Variants in HPCAL1 observed in about 807,000 individuals in gnomAD.
The protein encoded by HPCAL1 is hippocalcin-like protein 1.
HPCAL1 carries 8 observed loss-of-function variants against 17.1 expected under a neutral mutation model. That is an observed-to-expected ratio of 0.47 (90% CI 0.27 to 0.84). The LOEUF is 0.84. Among genes scored for constraint, HPCAL1 ranks in the 40% least tolerant of loss-of-function variants. HPCAL1 has a pLI of 0.13. For synonymous variants in HPCAL1, 112 were observed against 111.4 expected (o/e 1.01, Z -0.03); for missense variants, 165 against 271.1 (o/e 0.61, Z 2.75).
At chr2:10,397,083 C>A (rs1049145483) in intron 2 of HPCAL1, among the ~76,000 whole-genome samples, 163 bp downstream of exon 2, 1 of 152,162 alleles carries the variant, frequency 6.6e-6, no homozygotes, top group African/African-American at 2.4e-5. Context: ...CCAGCTAGCA[C>A]CCCTAGACAG....
intron 2 of HPCAL1, among the ~76,000 whole-genome samples, chr2:10,397,651 C>T (rs1178015660): frequency 3.9e-5 from 6 of 152,188 alleles, no homozygotes; most frequent in Non-Finnish European, 7.4e-5. Context: ...TTTTTCCATC[C>T]GGAATCCTTC....
intron 1 of HPCAL1, among the ~76,000 whole-genome samples, chr2:10,306,893 C>G (rs187290570): frequency 6.6e-6 from 1 of 152,308 alleles, no homozygotes; most frequent in East Asian, 1.9e-4. Flanking sequence ...TCCCAGAGAC[C>G]TCCACTCTCT....
chr2:10,325,652 A>G (rs1663963531), intron 1 of HPCAL1, among the ~76,000 whole-genome samples: 2 of 152,174 alleles, frequency 1.3e-5, no homozygotes. Context: ...CTGCCTTGAT[A>G]TTTATTTCAG....
intron 2 of HPCAL1, among the ~76,000 whole-genome samples, chr2:10,412,801 T>C (rs11694643): frequency 0.27 from 41,100 of 152,054 alleles, 5,946 homozygotes; most frequent in Middle Eastern, 0.36. Flanking sequence ...TGTTTCTCCT[T>C]CCTGGCCCCC....
In HPCAL1 at chr2:10,344,605, C is replaced by T. The variant is rs922222710; in HGVS notation, c.-111+41428C>T. Among the ~76,000 whole-genome samples, 5 of 152,222 alleles carry T rather than the reference C, an allele frequency of 3.3e-5. No individual in the cohort carries two copies. The highest frequency in any genetic ancestry group is 2.0e-4 in the Admixed American group (3 of 15,288). ...CAGCCACTATTATACCATCTGGCAG[C>T]TCAGAAATATTTTATAATCAAATGA... On this transcript the variant is annotated intron_variant, in intron 1 of 4. Coordinates refer to ENST00000307845, the MANE Select transcript of HPCAL1 (RefSeq NM_002149.4). The surrounding 1 kb of genome is among the most constrained non-coding windows in gnomAD (Gnocchi z 4.9).
intron 1 of HPCAL1, among the ~76,000 whole-genome samples, chr2:10,336,490 C>A (rs1370204117): frequency 6.6e-6 from 1 of 152,134 alleles, no homozygotes; most frequent in Non-Finnish European, 1.5e-5. Context: ...GTTGTTTGCA[C>A]TTTTGCATTA....
At chr2:10,412,477 A>G (rs1670415172) in intron 2 of HPCAL1, among the ~76,000 whole-genome samples, 1 of 152,208 alleles carries the variant, frequency 6.6e-6, no homozygotes, top group Middle Eastern at 3.2e-3. Flanking sequence ...CCAGCAAGAA[A>G]GGGCAGGAAA....
chr2:10,333,290 T>A (rs948508592), intron 1 of HPCAL1, among the ~76,000 whole-genome samples: 1 of 152,226 alleles, frequency 6.6e-6, no homozygotes, highest in Non-Finnish European at 1.5e-5. Context: ...TGGATGTTTG[T>A]GTCTGTCTTG....
At position 10,419,358 on chromosome 2, in the gene HPCAL1, T is replaced by C. The variant is rs1572864374; in HGVS notation, c.-24-376T>C. Among the ~76,000 whole-genome samples, 1 of 152,084 alleles carries C rather than the reference T, an allele frequency of 6.6e-6. No individual in the cohort carries two copies. The highest frequency in any genetic ancestry group is 1.9e-4 in the East Asian group (1 of 5,186). ...CAAAGAGTCTGGGATGTGGCTGAGG[T>C]GGCCACTTTGCCAGGAGCTGATGAG... On this transcript the variant is annotated intron_variant, in intron 2 of 4. Transcript: ENST00000307845. The surrounding 1 kb of genome is among the most constrained non-coding windows in gnomAD (Gnocchi z 5.0).
chr2:10,347,356 T>C (rs1665537645), intron 1 of HPCAL1, among the ~76,000 whole-genome samples: 1 of 152,184 alleles, frequency 6.6e-6, no homozygotes, highest in South Asian at 2.1e-4. Context: ...GCCCATGTGC[T>C]GGGACTGACT....
rs1668872248 is a variant in HPCAL1, at chr2:10,394,248, C to T, written c.-110-2587C>T. Among the ~76,000 whole-genome samples the T allele has an allele frequency of 6.6e-6, 1 of 152,112 alleles. No individual in the cohort carries two copies. Among genetic ancestry groups the T allele is most frequent in the African/African-American group, 2.4e-5 (1 of 41,400 alleles). ...GCCGAGTGTCACCTGAGCTGGTGTCCCGGAGTCTCTTTCCTTCTCCATAAA... is the reference window on the plus strand; with the variant it reads ...GCCGAGTGTCACCTGAGCTGGTGTCTCGGAGTCTCTTTCCTTCTCCATAAA... On this transcript the variant is annotated intron_variant, in intron 1 of 4. Coordinates refer to ENST00000307845, the MANE Select transcript of HPCAL1 (RefSeq NM_002149.4). This position sits in a 1 kb window ranked among gnomAD's most constrained non-coding sequence, Gnocchi z 5.0.
chr2:10,402,986 A>G (rs942930978), intron 2 of HPCAL1, among the ~76,000 whole-genome samples: 1 of 152,232 alleles, frequency 6.6e-6, no homozygotes, highest in Non-Finnish European at 1.5e-5. Flanking sequence ...AATGTGGCCA[A>G]ACCCCATTCA....
rs898128051 is a variant in HPCAL1, at chr2:10,302,980, G to C, written c.-308G>C. 6.6e-6 allele frequency: 1 copy of C among 151,912 alleles called. No individual in the cohort carries two copies. The highest frequency in any genetic ancestry group is 2.4e-5 in the African/African-American group (1 of 41,398). The allele number at this position is 151,912 out of a possible 1,614,324, so 9.4% of individuals were successfully genotyped here. A position where few individuals can be genotyped will look rare whatever the true frequency, so the allele number is the denominator to read the frequency against. On this transcript the variant is annotated 5_prime_UTR_variant, in exon 1 of 5. Transcript: ENST00000307845. ...CCACCTTGCTCCCTCCCTGGCTGCC[G>C]GCTTCCTTTTGTCTTTCTGGGCGGC... is the stretch of plus-strand genomic sequence containing the variant.
At chr2:10,319,826 A>C (rs986248480) in intron 1 of HPCAL1, among the ~76,000 whole-genome samples, 25 of 151,984 alleles carry the variant, frequency 1.6e-4, no homozygotes, top group African/African-American at 5.8e-4. Flanking sequence ...GAAGGTCTGA[A>C]ATCCTCAGGG....
chr2:10,348,122 A>G (rs1665583307), intron 1 of HPCAL1, among the ~76,000 whole-genome samples: 1 of 152,194 alleles, frequency 6.6e-6, no homozygotes, highest in African/African-American at 2.4e-5. Context: ...TATTTTGTAC[A>G]CATCAGAGCA....
At chr2:10,358,174 A>C (rs1227143991) in intron 1 of HPCAL1, among the ~76,000 whole-genome samples, 2 of 152,240 alleles carry the variant, frequency 1.3e-5, no homozygotes, top group Admixed American at 6.5e-5. Context: ...CCACTTTAAT[A>C]AACAGGATAG....
chr2:10,366,925 G>T (rs559518706), intron 1 of HPCAL1, among the ~76,000 whole-genome samples: 2 of 152,296 alleles, frequency 1.3e-5, no homozygotes, highest in African/African-American at 4.8e-5. Context: ...GTTTGAGGAG[G>T]CTGTGTAGGC....
intron 1 of HPCAL1, among the ~76,000 whole-genome samples, chr2:10,381,775 G>A (rs1667955406): frequency 6.6e-6 from 1 of 152,234 alleles, no homozygotes; most frequent in Admixed American, 6.5e-5. Flanking sequence ...CACCAAATGC[G>A]AGGGAGGATG....
At chr2:10,425,887 C>G (rs73170044) in intron 4 of HPCAL1, 1 of 152,448 alleles carries the variant, frequency 6.6e-6, no homozygotes, top group East Asian at 1.9e-4. Flanking sequence ...CCAGAGGGAC[C>G]GCCTCCTGCC....
Sources: gnomAD v4.1 joint callset for allele counts (sites outside exome capture counted in the v4.1 genomes callset) on GRCh38, gnomAD v4.1.1 for gene constraint, Gnocchi (gnomAD v3.1) non-coding constraint, MANE v1.5 for transcripts, NCBI Gene and HGNC (gene_info 2026-07-23, HGNC 2026-07-21) for gene names.